The following FBXO38 variants were observed in gnomAD, a reference collection of about 807,000 sequenced individuals.
The protein encoded by FBXO38 is F-box protein 38.
Under a neutral mutation model 131.9 loss-of-function variants are expected in FBXO38, and 53 were observed. The ratio of observed to expected loss-of-function variants is 0.40; its 90% CI spans 0.32 to 0.51. The LOEUF (loss-of-function observed/expected upper bound fraction) is 0.51, where lower values mean the gene tolerates loss of function less well. Ranked by LOEUF, FBXO38 falls within the 20% of genes least tolerant of loss-of-function variation. FBXO38 has a pLI of 0.53. For synonymous variants in FBXO38, 452 were observed against 505.6 expected, an observed-to-expected ratio of 0.89 and a Z score of 1.42; for missense variants, 1,076 against 1,475.6, an observed-to-expected ratio of 0.73 and a Z score of 4.44.
intron 3 of FBXO38, among the ~76,000 whole-genome samples, chr5:148,399,924 TAAAAA>T (rs891699942): frequency 5.4e-5 from 8 of 149,272 alleles, no homozygotes; most frequent in Admixed American, 2.0e-4. Context: ...AACCAAAAAA[TAAAAA>T]TAAAAAAAAA....
intron 5 of FBXO38, 195 bp downstream of exon 5, chr5:148,402,708 C>G (rs1445752375): frequency 2.2e-6 from 1 of 454,948 alleles, no homozygotes; most frequent in African/African-American, 2.0e-5. Flanking sequence ...TACTGCTTCA[C>G]AAGTGTACAT....
At chr5:148,389,924 G>A (rs10428634) in intron 1 of FBXO38, 2 of 152,200 alleles carry the variant, frequency 1.3e-5, no homozygotes, top group Admixed American at 6.5e-5. Flanking sequence ...AGTTACTCGG[G>A]AGGCTGAGGT....
At chr5:148,384,251 T>A (rs972931787) in intron 1 of FBXO38, among the ~76,000 whole-genome samples, 1 of 152,172 alleles carries the variant, frequency 6.6e-6, no homozygotes, top group Non-Finnish European at 1.5e-5. Flanking sequence ...GGGGGTTGCC[T>A]GCTTGTCTGA....
rs1273866280 is a variant in FBXO38 at position 148,433,539 on chromosome 5, C to G, written c.2754+15C>G. On this transcript the variant is annotated intron_variant, in intron 16 of 21. Coordinates refer to ENST00000340253, the MANE Select transcript of FBXO38 (RefSeq NM_205836.3). ...ACCATGTGCAGGTAGAGAAAAAACCCTCACTTACCTTTATCACAGTCTAGC... is the reference window on the plus strand; with the variant it reads ...ACCATGTGCAGGTAGAGAAAAAACCGTCACTTACCTTTATCACAGTCTAGC... The G allele has an allele frequency of 2.5e-6, 4 of 1,590,832 alleles. No homozygotes were observed. Among genetic ancestry groups the G allele is most frequent in the Non-Finnish European group, 1.7e-6 (2 of 1,160,664 alleles).
At chr5:148,400,931 A>G (rs1339203279) in intron 3 of FBXO38, among the ~76,000 whole-genome samples, 1 of 152,158 alleles carries the variant, frequency 6.6e-6, no homozygotes, top group East Asian at 1.9e-4. Flanking sequence ...TTCAGTCATT[A>G]AAAGTTACTA....
At chr5:148,390,321 T>C (rs1420503351) in intron 1 of FBXO38, among the ~76,000 whole-genome samples, 1 of 152,196 alleles carries the variant, frequency 6.6e-6, no homozygotes, top group Non-Finnish European at 1.5e-5. Context: ...CTACTTGGAC[T>C]TGAGAAGGCT....
chr5:148,406,327 A>T lies in FBXO38; in HGVS notation c.801A>T (p.Leu267Phe), dbSNP rs1752444147. The change falls in exon 7 of 22, where the codon TTA (leucine) becomes TTT (phenylalanine). Residue 267 changes from leucine (L) to phenylalanine (F), a missense_variant. Leu to Phe is a conservative substitution (Grantham distance 22). Transcript: ENST00000340253. ...GLASARNLEH[L>F]EMVRVPFLGG... is the part of the protein sequence containing the mutation. The stretch of plus-strand genomic sequence containing the variant: ...CCTCTGCCCGAAACTTGGAACACTT[A>T]GAAATGGTTCGAGTTCCTTTCCTTG... 1 of 1,610,588 alleles carries T rather than the reference A, an allele frequency of 6.2e-7. No individual in the cohort carries two copies. The highest frequency in any genetic ancestry group is 8.5e-7 in the Non-Finnish European group (1 of 1,178,240).
intron 8 of FBXO38, chr5:148,410,293 A>G (rs1336932590): frequency 8.8e-6 from 2 of 226,942 alleles, no homozygotes; most frequent in African/African-American, 2.3e-5. Context: ...GGTCTTTCCC[A>G]TGCTGTCCTC....
rs766830490 is a variant in FBXO38, at chr5:148,425,642, G to A, written c.1859G>A (p.Arg620Gln). 16 of 1,614,008 alleles carry A rather than the reference G, an allele frequency of 9.9e-6. No individual in the cohort carries two copies. Among genetic ancestry groups the A allele is most frequent in the Admixed American group, 1.7e-5 (1 of 60,020 alleles). The change falls in exon 14 of 22, where the codon CGG (arginine) becomes CAG (glutamine). Residue 620 changes from arginine (R) to glutamine (Q), a missense_variant. By Grantham distance (43) the Arg-to-Gln change is conservative. Around this residue, in one of 8 missense-constraint regions of FBXO38, gnomAD observed 212 missense variants for 221.2 expected, o/e 0.96. Transcript: ENST00000340253. ...GTCTGGATTCCTAAGAACGGTACTC[G>A]GCGTTACTCTGAACGTGAAGAAAAA... ...QEVWIPKNGT[R>Q]RYSEREEKTG...
chr5:148,428,686 C>T (rs1209324438), intron 15 of FBXO38, among the ~76,000 whole-genome samples: 3 of 152,122 alleles, frequency 2.0e-5, no homozygotes, highest in African/African-American at 7.2e-5. Context: ...AAGTAGCCCT[C>T]AGTTTTAAAA....
At chr5:148,395,614 G>C (rs1758441732) in intron 2 of FBXO38, among the ~76,000 whole-genome samples, 1 of 151,240 alleles carries the variant, frequency 6.6e-6, no homozygotes, top group African/African-American at 2.4e-5. Flanking sequence ...TTGAATCCTG[G>C]GTCTATTATT....
chr5:148,418,919 A>G (rs1329839323), intron 12 of FBXO38, among the ~76,000 whole-genome samples: 2 of 152,216 alleles, frequency 1.3e-5, no homozygotes, highest in Admixed American at 6.5e-5. Flanking sequence ...GATTTAAGAG[A>G]GGAAAATGGA....
chr5:148,429,417 C>T (rs997988449), intron 15 of FBXO38, among the ~76,000 whole-genome samples: 1 of 151,664 alleles, frequency 6.6e-6, no homozygotes, highest in African/African-American at 2.4e-5. Context: ...TTTTGAAATG[C>T]TCTTTTATCA....
chr5:148,442,536 T>C lies in FBXO38; in HGVS notation c.*389T>C, dbSNP rs1168163426. On this transcript the variant is annotated 3_prime_UTR_variant, in exon 22 of 22. Transcript: ENST00000340253. ...GTGCCTTTTTCTTCTTGAGCGAAGC[T>C]GTTTGAGTAAACCTGTTGAAGAGTG... 6.4e-6 allele frequency: 1 copy of C among 157,452 alleles called. No homozygotes were observed. The highest frequency in any genetic ancestry group is 2.4e-5 in the African/African-American group (1 of 41,544). The allele number at this position is 157,452 out of a possible 1,614,324, so 9.8% of individuals were successfully genotyped here.
chr5:148,421,052 C>T (rs1315537522), intron 12 of FBXO38, among the ~76,000 whole-genome samples: 5 of 151,818 alleles, frequency 3.3e-5, no homozygotes, highest in African/African-American at 7.3e-5. Context: ...CTACAACCTC[C>T]GCCTCCTGGG....
At chr5:148,426,155 C>G (rs1753703519) in intron 14 of FBXO38, among the ~76,000 whole-genome samples, 1 of 152,188 alleles carries the variant, frequency 6.6e-6, no homozygotes, top group Non-Finnish European at 1.5e-5. Flanking sequence ...CCCTTTAAAT[C>G]TAGGCAACAA....
At chr5:148,431,573 G>A (rs1171906314) in intron 15 of FBXO38, among the ~76,000 whole-genome samples, 1 of 152,198 alleles carries the variant, frequency 6.6e-6, no homozygotes, top group Non-Finnish European at 1.5e-5. Context: ...ACACTGTCAT[G>A]TAGTGGAAAC....
At chr5:148,402,326 T>C in intron 4 of FBXO38, 22 bp from the exon 5 acceptor site, 3 of 1,583,224 alleles carry the variant, frequency 1.9e-6, no homozygotes, top group Non-Finnish European at 1.7e-6. Context: ...TTTCTTATGC[T>C]TGCTTTGGCA....
At chr5:148,400,730 C>G (rs968452448) in intron 3 of FBXO38, among the ~76,000 whole-genome samples, 1 of 152,008 alleles carries the variant, frequency 6.6e-6, no homozygotes, top group Non-Finnish European at 1.5e-5. Flanking sequence ...CCATTTCTCT[C>G]GTGGGAGGCA....
Sources: allele counts gnomAD v4.1 joint callset (sites outside exome capture counted in the v4.1 genomes callset), GRCh38; gene constraint gnomAD v4.1.1; regional missense constraint gnomAD v4.1.1; transcripts MANE v1.5; gene names NCBI Gene and HGNC (gene_info 2026-07-23, HGNC 2026-07-21).